ANKS1A: variants seen among roughly 807,000 people sequenced by gnomAD.
ANKS1A encodes ankyrin repeat and sterile alpha motif domain containing 1A.
A neutral mutation model predicts 120.3 loss-of-function variants in ANKS1A; 55 were observed. The observed-to-expected ratio is 0.46, with a 90% CI of 0.37 to 0.57. The LOEUF is 0.57. Ranked by LOEUF, ANKS1A falls within the 20% of genes least tolerant of loss-of-function variation. The pLI, the probability that ANKS1A is intolerant of heterozygous loss-of-function variation, is 0.00. For missense variants in ANKS1A, 1,123 were observed against 1,480.3 expected (o/e 0.76, Z 3.96); for synonymous variants, 590 against 604.7 (o/e 0.98, Z 0.36).
rs117549091 is a variant in ANKS1A, at chr6:35,080,550, C to T, written c.2545-444C>T. 9.3e-4 allele frequency among the ~76,000 whole-genome samples: 142 copies of T among 152,320 alleles called. No individual in the cohort carries two copies. The East Asian group carries it at 0.011, about 11-fold the overall frequency. The stretch of plus-strand genomic sequence containing the variant: ...GGGGCTTCGTGAAGTGGGTCCTGTT[C>T]ATCCTCCTTTTACAGATGAGAAAGT... On this transcript the variant is annotated intron_variant, in intron 16 of 23. Transcript: ENST00000360359.
At chr6:34,955,183 C>A (rs1208012234) in intron 1 of ANKS1A, among the ~76,000 whole-genome samples, 30 of 151,090 alleles carry the variant, frequency 2.0e-4, no homozygotes, top group African/African-American at 7.1e-4. Context: ...GTCACCCAGG[C>A]TGGAGTGAGG....
chr6:34,925,109 C>G (rs537008494), intron 1 of ANKS1A, among the ~76,000 whole-genome samples: 3 of 152,196 alleles, frequency 2.0e-5, no homozygotes, highest in Non-Finnish European at 4.4e-5. Context: ...TACAAGGAGA[C>G]TTAATTCACC....
chr6:34,897,687 G>A (rs1767159040), intron 1 of ANKS1A, among the ~76,000 whole-genome samples: 1 of 152,162 alleles, frequency 6.6e-6, no homozygotes, highest in African/African-American at 2.4e-5. Context: ...TGTGGTTAGA[G>A]TTAATGGTAG....
At chr6:35,008,931 C>G (rs994380468) in intron 10 of ANKS1A, among the ~76,000 whole-genome samples, 4 of 152,058 alleles carry the variant, frequency 2.6e-5, no homozygotes, top group African/African-American at 9.7e-5. Context: ...GGAGGAGTGG[C>G]ATAGACAACA....
intron 1 of ANKS1A, among the ~76,000 whole-genome samples, chr6:34,925,045 A>T (rs1371018045): frequency 8.5e-5 from 13 of 152,196 alleles, no homozygotes; most frequent in Admixed American, 2.6e-4. Context: ...TTACTGTAAT[A>T]TTTATTTCTA....
At chr6:34,929,222 C>CT (rs1198408288) in intron 1 of ANKS1A, among the ~76,000 whole-genome samples, 1 of 152,082 alleles carries the variant, frequency 6.6e-6, no homozygotes, top group Non-Finnish European at 1.5e-5. Context: ...GCTTTCAATA[C>CT]TTTTTTTGTA....
chr6:34,924,090 C>T (rs984941157), intron 1 of ANKS1A, among the ~76,000 whole-genome samples: 21 of 143,174 alleles, frequency 1.5e-4, no homozygotes, highest in Admixed American at 3.5e-4. Context: ...GGGGCTTTTT[C>T]GTGTGTGTGT....
chr6:34,948,359 C>T (rs1458985176), intron 1 of ANKS1A, among the ~76,000 whole-genome samples: 1 of 152,130 alleles, frequency 6.6e-6, no homozygotes, highest in African/African-American at 2.4e-5. Context: ...ATGTTTCCTT[C>T]AAGGACTGAA....
At chr6:34,950,295 T>C (rs552999546) in intron 1 of ANKS1A, among the ~76,000 whole-genome samples, 169 of 150,226 alleles carry the variant, frequency 1.1e-3, no homozygotes, top group African/African-American at 4.0e-3. Flanking sequence ...GGCGCGATCT[T>C]GGCTTACTGG....
Position 35,090,986 on chromosome 6 carries a change from C to T in ANKS1A, c.*2377C>T, listed in dbSNP as rs1003950523. 12 of 985,762 alleles carry T rather than the reference C, an allele frequency of 1.2e-5. No individual in the cohort carries two copies. The highest frequency in any genetic ancestry group is 1.1e-4 in the East Asian group (1 of 8,836). The allele number at this position is 985,762 out of a possible 1,614,324, so 61.1% of individuals were successfully genotyped here. On this transcript the variant is annotated 3_prime_UTR_variant, in exon 24 of 24. Transcript: ENST00000360359. ...CACTAATGGGAGTTCCCGAGATGCTCGGGTTTGAGCAGGGAGCAGGCAGAG... is the reference window on the plus strand; with the variant it reads ...CACTAATGGGAGTTCCCGAGATGCTTGGGTTTGAGCAGGGAGCAGGCAGAG...
intron 12 of ANKS1A, among the ~76,000 whole-genome samples, 176 bp downstream of exon 12, chr6:35,054,341 A>G (rs1776102923): frequency 1.3e-5 from 2 of 152,146 alleles, no homozygotes; most frequent in African/African-American, 4.8e-5. Context: ...TCTTGCTGTT[A>G]TTTTTAGAGC....
chr6:35,037,421 T>A (rs1775229357), intron 11 of ANKS1A, among the ~76,000 whole-genome samples: 1 of 152,206 alleles, frequency 6.6e-6, no homozygotes, highest in Admixed American at 6.5e-5. Context: ...AAGCAGGATT[T>A]AAATGCAAAT....
At chr6:35,030,278 A>G (rs1317645712) in intron 11 of ANKS1A, among the ~76,000 whole-genome samples, 2 of 152,258 alleles carry the variant, frequency 1.3e-5, no homozygotes, top group Admixed American at 6.5e-5. Context: ...AAGGAAAGCA[A>G]CTTACGAAAG....
chr6:34,934,482 G>GT (rs1167042017), intron 1 of ANKS1A, among the ~76,000 whole-genome samples: 1 of 152,170 alleles, frequency 6.6e-6, no homozygotes, highest in Non-Finnish European at 1.5e-5. Flanking sequence ...GGTGAAATTG[G>GT]TTTTTTAGTC....
At chr6:34,921,828 C>T (rs958271153) in intron 1 of ANKS1A, among the ~76,000 whole-genome samples, 1 of 152,092 alleles carries the variant, frequency 6.6e-6, no homozygotes. Context: ...TTCTGAGTAG[C>T]TAGGACTGAG....
At chr6:35,068,336 A>G (rs1294257597) in intron 13 of ANKS1A, among the ~76,000 whole-genome samples, 1 of 152,212 alleles carries the variant, frequency 6.6e-6, no homozygotes, top group Non-Finnish European at 1.5e-5. Flanking sequence ...ACGGTGAACC[A>G]GCCTGTGCCT....
At chr6:35,031,810 A>ATT (rs755480200) in intron 11 of ANKS1A, among the ~76,000 whole-genome samples, 169 of 152,332 alleles carry the variant, frequency 1.1e-3, no homozygotes, top group Non-Finnish European at 2.1e-3. Flanking sequence ...CCAGAGAATG[A>ATT]GCCCATGGCC....
intron 10 of ANKS1A, chr6:35,005,746 T>C (rs1379408773): frequency 2.2e-6 from 1 of 451,234 alleles, no homozygotes; most frequent in Non-Finnish European, 4.4e-6. Flanking sequence ...CCGCTACATA[T>C]GAAGATGCTA....
chr6:35,041,724 A>G (rs1775468258), intron 11 of ANKS1A, among the ~76,000 whole-genome samples: 1 of 152,256 alleles, frequency 6.6e-6, no homozygotes, highest in African/African-American at 2.4e-5. Context: ...TCCTCACACT[A>G]CCAGCCCAAC....
Sources: allele counts gnomAD v4.1 joint callset (sites outside exome capture counted in the v4.1 genomes callset), GRCh38; gene constraint gnomAD v4.1.1; transcripts MANE v1.5; gene names NCBI Gene and HGNC (gene_info 2026-07-23, HGNC 2026-07-21).